Variants in PTPN2 observed in about 807,000 individuals in gnomAD.
The protein encoded by PTPN2 is protein tyrosine phosphatase non-receptor type 2.
Under a neutral mutation model 57.3 loss-of-function variants are expected in PTPN2, and 19 were observed. The observed-to-expected ratio is 0.33, with a 90% CI of 0.23 to 0.49. PTPN2 has a LOEUF of 0.49. PTPN2 is among the 20% of genes least tolerant of loss of function. The probability of loss-of-function intolerance (pLI) is 0.99; values close to 1 mark genes in which losing one functional copy is unlikely to be tolerated. For synonymous variants in PTPN2, 153 were observed against 164.9 expected (o/e 0.93, Z 0.55); for missense variants, 358 against 501.1 (o/e 0.71, Z 2.73).
intron 7 of PTPN2, among the ~76,000 whole-genome samples, chr18:12,812,240 T>C (rs1481282734): frequency 2.6e-5 from 4 of 152,214 alleles, no homozygotes; most frequent in African/African-American, 9.6e-5. Context: ...GTCAAAGTCA[T>C]TGGAAGTTTT....
intron 6 of PTPN2, 43 bp downstream of exon 6, chr18:12,817,113 A>T (rs1434254505): frequency 6.4e-7 from 1 of 1,566,566 alleles, no homozygotes. Context: ...AATTTAAAAA[A>T]AAAAATCAAT....
intron 4 of PTPN2, among the ~76,000 whole-genome samples, chr18:12,826,197 G>A (rs1244587586): frequency 6.6e-6 from 1 of 152,224 alleles, no homozygotes; most frequent in African/African-American, 2.4e-5. Flanking sequence ...GAGATCAGGA[G>A]TTCGAGACCA....
chr18:12,840,670 G>C, intron 2 of PTPN2: 1 of 1,587,072 alleles, frequency 6.3e-7, no homozygotes, highest in African/African-American at 1.3e-5. Context: ...TAACACACTA[G>C]AGCACAAAAA....
chr18:12,815,431 A>AG (rs1346622978), intron 6 of PTPN2, among the ~76,000 whole-genome samples: 1 of 151,872 alleles, frequency 6.6e-6, no homozygotes, highest in East Asian at 1.9e-4. Flanking sequence ...ATAAATAAAT[A>AG]AATAGAATAA....
At chr18:12,818,765 A>G (rs2847284) in intron 5 of PTPN2, among the ~76,000 whole-genome samples, 4 of 152,162 alleles carry the variant, frequency 2.6e-5, no homozygotes, top group African/African-American at 4.8e-5. Flanking sequence ...CCCAATAAAA[A>G]TTTTCAAAAT....
At chr18:12,814,962 T>C (rs888368932) in intron 6 of PTPN2, among the ~76,000 whole-genome samples, 10 of 152,034 alleles carry the variant, frequency 6.6e-5, no homozygotes, top group African/African-American at 1.2e-4. Context: ...CGCATGTCTG[T>C]AATCCCAGCT....
chr18:12,785,672 G>A lies in PTPN2; in HGVS notation c.*151C>T. The A allele has an allele frequency of 5.6e-6, 4 of 708,386 alleles. No homozygotes were observed. The South Asian group carries it at 6.5e-5, about 11-fold the overall frequency. 43.9% of individuals were successfully genotyped at this position (708,386 alleles called of 1,614,324 possible). A position where few individuals can be genotyped will look rare whatever the true frequency, so the allele number is the denominator to read the frequency against. On this transcript the variant is annotated 3_prime_UTR_variant, in exon 10 of 10. Transcript: ENST00000327283. ...TGCTGGTGGGTGCTCTTCATCCCCT[G>A]GATGTAAAGTTTACTTTGTAAACAA...
intron 8 of PTPN2, among the ~76,000 whole-genome samples, chr18:12,795,727 A>G (rs539652928): frequency 2.0e-5 from 3 of 152,284 alleles, no homozygotes; most frequent in East Asian, 1.9e-4. Context: ...CTTGTGCAAT[A>G]TAGCAAGTCT....
chr18:12,788,420 G>T (rs1245940037), downstream of PTPN2, among the ~76,000 whole-genome samples: 2 of 123,318 alleles, frequency 1.6e-5, no homozygotes, highest in Admixed American at 9.2e-5. Flanking sequence ...CGCCCAGAGA[G>T]GGGGATCAGG....
At chr18:12,870,440 T>TATACAC (rs1598886674) in intron 1 of PTPN2, among the ~76,000 whole-genome samples, 3 of 25,970 alleles carry the variant, frequency 1.2e-4, no homozygotes, top group Admixed American at 5.3e-4. Context: ...TATATATATG[T>TATACAC]GTATATATAT....
chr18:12,870,284 CAT>C (rs1167445111), intron 1 of PTPN2, among the ~76,000 whole-genome samples: 1 of 63,608 alleles, frequency 1.6e-5, no homozygotes, highest in African/African-American at 1.2e-4. Context: ...TATATATATA[CAT>C]ATACATATAT....
chr18:12,821,635 A>T (rs538819770), intron 5 of PTPN2, among the ~76,000 whole-genome samples: 2 of 152,342 alleles, frequency 1.3e-5, no homozygotes, highest in East Asian at 3.9e-4. Context: ...ACAGGCTTGC[A>T]TTCTCAGCAG....
intron 5 of PTPN2, 35 bp downstream of exon 5, chr18:12,825,775 A>G (rs2042428629): frequency 1.3e-6 from 2 of 1,572,332 alleles, no homozygotes; most frequent in Non-Finnish European, 1.7e-6. Context: ...AAACCATCAT[A>G]TAAAGTCCAC....
At chr18:12,801,487 C>A (rs180886126) in intron 8 of PTPN2, among the ~76,000 whole-genome samples, 270 of 148,868 alleles carry the variant, frequency 1.8e-3, no homozygotes, top group African/African-American at 6.5e-3. Flanking sequence ...GCCTGGGTGA[C>A]AGAGAAAAAA....
At chr18:12,845,668 T>C (rs1376591465) in intron 2 of PTPN2, among the ~76,000 whole-genome samples, 1 of 152,196 alleles carries the variant, frequency 6.6e-6, no homozygotes, top group Admixed American at 6.5e-5. Flanking sequence ...TGCCTTTTAT[T>C]TCCTTTTCTT....
rs1026969456 is a variant in PTPN2, at chr18:12,802,110, G to C, written c.900C>G (p.Ala300=). ...KELSKEDLSP[A]FDHSPNKIMT... is the part of the protein sequence containing the mutation. Reference sequence around the variant, plus strand: ...TTATTTTGTTTGGTGAATGATCAAAGGCAGGAGATAAGTCTTCCTTAGAAA... The same window carrying C: ...TTATTTTGTTTGGTGAATGATCAAACGCAGGAGATAAGTCTTCCTTAGAAA... Residue 300 remains alanine (A), a synonymous_variant, in exon 8 of 9, where the codon GCC becomes GCG. Coordinates refer to ENST00000309660, the MANE Select transcript of PTPN2 (RefSeq NM_002828.4). The C allele has an allele frequency of 6.2e-7, 1 of 1,611,760 alleles. No individual in the cohort carries two copies. The highest frequency in any genetic ancestry group is 1.7e-5 in the Admixed American group (1 of 59,880).
chr18:12,808,101 T>C (rs2145277986), intron 7 of PTPN2, among the ~76,000 whole-genome samples: 1 of 152,166 alleles, frequency 6.6e-6, no homozygotes, highest in African/African-American at 2.4e-5. Flanking sequence ...GAGGATCACT[T>C]GAGCCCAGGA....
At chr18:12,851,981 A>C (rs1300743223) in intron 2 of PTPN2, among the ~76,000 whole-genome samples, 1 of 152,070 alleles carries the variant, frequency 6.6e-6, no homozygotes, top group Non-Finnish European at 1.5e-5. Flanking sequence ...ACATATATTT[A>C]GTGTCTAAAG....
chr18:12,831,716 C>T (rs45559341), intron 3 of PTPN2, among the ~76,000 whole-genome samples: 2,132 of 152,270 alleles, frequency 0.014, 26 homozygotes, highest in Non-Finnish European at 0.023. Flanking sequence ...ACCTGAACCA[C>T]AATGAAACTG....
Sources: allele counts gnomAD v4.1 joint callset (sites outside exome capture counted in the v4.1 genomes callset), GRCh38; gene constraint gnomAD v4.1.1; transcripts MANE v1.5; gene names NCBI Gene and HGNC (gene_info 2026-07-23, HGNC 2026-07-21).